The following XIRP2 variants were observed in gnomAD, a reference collection of about 807,000 sequenced individuals.
XIRP2 encodes the protein xin actin binding repeat containing 2, also known as xin actin-binding repeat-containing protein 2.
In XIRP2, 236 loss-of-function variants were observed where a neutral mutation model predicts 277.0. That is an observed-to-expected ratio of 0.85 (90% CI 0.77 to 0.95). The LOEUF (loss-of-function observed/expected upper bound fraction) is 0.95, where lower values mean the gene tolerates loss of function less well. Among genes scored for constraint, XIRP2 ranks in the 40% least tolerant of loss-of-function variants. XIRP2 has a pLI of 0.00. For synonymous variants in XIRP2, 1,490 were observed against 1,416.5 expected, an observed-to-expected ratio of 1.05 and a Z score of -1.17; for missense variants, 4,640 against 4,157.5, an observed-to-expected ratio of 1.12 and a Z score of -3.19.
intron 9 of XIRP2, among the ~76,000 whole-genome samples, chr2:167,253,011 A>G (rs1386286399): frequency 1.3e-5 from 2 of 151,954 alleles, no homozygotes; most frequent in African/African-American, 4.8e-5. Flanking sequence ...TGATAAACAT[A>G]AAAATGTGTC....
rs1406066806 is a variant in XIRP2, at chr2:167,259,464, G to GT, written c.*1648dup. ...TGGATACCCTTTTGAGGAACTTGAT[G>GT]TAAACATGGTGTTCAGAAATCTCGT... On this transcript the variant is annotated 3_prime_UTR_variant, in exon 11 of 11. Transcript: ENST00000409195. The GT allele has an allele frequency of 3.4e-6, 4 of 1,179,658 alleles. No individual in the cohort carries two copies. The highest frequency in any genetic ancestry group is 1.6e-5 in the African/African-American group (1 of 63,892). The allele number at this position is 1,179,658 out of a possible 1,614,324, so 73.1% of individuals were successfully genotyped here.
chr2:167,167,799 T>C (rs1692567130), intron 3 of XIRP2, among the ~76,000 whole-genome samples: 1 of 152,122 alleles, frequency 6.6e-6, no homozygotes, highest in African/African-American at 2.4e-5. Context: ...AAAATAAAGA[T>C]TTTTATTTAG....
At position 167,247,465 on chromosome 2, in the gene XIRP2, A is replaced by G. The variant is rs748941903; in HGVS notation, c.6073A>G (p.Thr2025Ala). 1 of 1,613,768 alleles carries G rather than the reference A, an allele frequency of 6.2e-7. No individual in the cohort carries two copies. Residue 2025 changes from threonine (T) to alanine (A), a missense_variant, in exon 9 of 11, where the codon ACT becomes GCT. Coordinates refer to ENST00000409195, the MANE Select transcript of XIRP2 (RefSeq NM_152381.6). ...TAATCTTCCAAAAGCCCCCAAAGGC[A>G]CTGTAAAGATTGTCATAGATCGTGA... Reference protein sequence around the residue: ...EVNLPKAPKGTVKIVIDREQN... With the variant: ...EVNLPKAPKGAVKIVIDREQN...
At chr2:167,020,498 T>A (rs1687951494) in intron 2 of XIRP2, among the ~76,000 whole-genome samples, 1 of 152,030 alleles carries the variant, frequency 6.6e-6, no homozygotes, top group Non-Finnish European at 1.5e-5. Flanking sequence ...ATGTATTATA[T>A]AAACTGTATA....
intron 1 of XIRP2, among the ~76,000 whole-genome samples, chr2:166,902,283 TTTAA>T (rs1235510850): frequency 6.6e-6 from 1 of 152,096 alleles, no homozygotes; most frequent in Non-Finnish European, 1.5e-5. Flanking sequence ...GAAACTATTG[TTTAA>T]TGAACACAAA....
chr2:167,059,840 G>C (rs59576030), intron 2 of XIRP2, among the ~76,000 whole-genome samples: 106 of 152,330 alleles, frequency 7.0e-4, no homozygotes, highest in African/African-American at 2.5e-3. Context: ...TGCGACATCA[G>C]CAAGCATGAT....
intron 5 of XIRP2, among the ~76,000 whole-genome samples, chr2:167,219,348 T>C (rs904552648): frequency 2.0e-5 from 3 of 152,232 alleles, no homozygotes; most frequent in African/African-American, 7.2e-5. Context: ...TGTTGCAATG[T>C]AGGAGTCTTT....
chr2:167,074,401 C>A (rs1164076512), intron 2 of XIRP2, among the ~76,000 whole-genome samples: 1 of 151,914 alleles, frequency 6.6e-6, no homozygotes, highest in Non-Finnish European at 1.5e-5. Context: ...TTGTAATATT[C>A]AGGAATGAAT....
chr2:166,910,574 C>T (rs1225621449), intron 2 of XIRP2, among the ~76,000 whole-genome samples: 2 of 152,054 alleles, frequency 1.3e-5, no homozygotes, highest in Non-Finnish European at 1.5e-5. Flanking sequence ...CTCCTGGATT[C>T]GTTGATTTTT....
intron 5 of XIRP2, among the ~76,000 whole-genome samples, chr2:167,220,531 G>A (rs1285139755): frequency 1.3e-5 from 2 of 152,170 alleles, no homozygotes; most frequent in African/African-American, 4.8e-5. Flanking sequence ...ACCTTTATCA[G>A]ATTTCTTCTT....
intron 3 of XIRP2, among the ~76,000 whole-genome samples, chr2:167,170,684 T>C (rs1692662806): frequency 6.6e-6 from 1 of 152,098 alleles, no homozygotes; most frequent in Non-Finnish European, 1.5e-5. Flanking sequence ...TGATAATTTC[T>C]ATTTTCTCCT....
intron 2 of XIRP2, among the ~76,000 whole-genome samples, chr2:167,066,029 A>C (rs1455687787): frequency 6.6e-6 from 1 of 151,890 alleles, no homozygotes; most frequent in Non-Finnish European, 1.5e-5. Flanking sequence ...ATTAATAAAC[A>C]TATCCATCAC....
chr2:166,951,899 C>T (rs1686043399), intron 2 of XIRP2, among the ~76,000 whole-genome samples: 1 of 152,016 alleles, frequency 6.6e-6, no homozygotes. Flanking sequence ...CTTCCCTGAG[C>T]CTCTGCGTCT....
At chr2:167,122,502 T>C (rs1032629832) in intron 2 of XIRP2, among the ~76,000 whole-genome samples, 2 of 152,126 alleles carry the variant, frequency 1.3e-5, no homozygotes, top group Non-Finnish European at 2.9e-5. Context: ...GGTGACGTCG[T>C]TTCCAGCACC....
chr2:167,096,241 A>G (rs973176531), intron 2 of XIRP2, among the ~76,000 whole-genome samples: 34 of 152,114 alleles, frequency 2.2e-4, no homozygotes, highest in African/African-American at 8.2e-4. Context: ...TTATTGGTCT[A>G]TTCAGGGATT....
At chr2:167,187,502 A>G (rs1350485122) in intron 3 of XIRP2, 4 of 985,112 alleles carry the variant, frequency 4.1e-6, no homozygotes, top group Admixed American at 6.2e-5. Flanking sequence ...ATTTCCACAA[A>G]CTTGGGGTTA....
chr2:166,921,845 T>C (rs1038147231), intron 2 of XIRP2, among the ~76,000 whole-genome samples: 2 of 152,146 alleles, frequency 1.3e-5, no homozygotes, highest in Admixed American at 6.5e-5. Flanking sequence ...AGCAGATCTT[T>C]GATAACTTGA....
chr2:166,955,231 A>G (rs2105400482), intron 2 of XIRP2, among the ~76,000 whole-genome samples: 1 of 152,030 alleles, frequency 6.6e-6, no homozygotes, highest in South Asian at 2.1e-4. Context: ...CTATTCAGCC[A>G]TAAGAAAGAA....
intron 2 of XIRP2, among the ~76,000 whole-genome samples, chr2:166,923,988 A>G (rs1362078941): frequency 6.6e-6 from 1 of 152,074 alleles, no homozygotes; most frequent in Non-Finnish European, 1.5e-5. Flanking sequence ...TGTGACAAGG[A>G]CATGATATGG....
Sources: gnomAD v4.1 joint callset for allele counts (sites outside exome capture counted in the v4.1 genomes callset) on GRCh38, gnomAD v4.1.1 for gene constraint, MANE v1.5 for transcripts, NCBI Gene and HGNC (gene_info 2026-07-23, HGNC 2026-07-21) for gene names.